The following THBS4 variants were observed in gnomAD, a reference collection of about 807,000 sequenced individuals.
The protein encoded by THBS4 is thrombospondin 4.
In THBS4, 90 loss-of-function variants were observed where a neutral mutation model predicts 115.7. That is an observed-to-expected ratio of 0.78 (90% CI 0.66 to 0.93). The LOEUF (loss-of-function observed/expected upper bound fraction) is 0.93, where lower values mean the gene tolerates loss of function less well. Ranked by LOEUF, THBS4 falls within the 40% of genes least tolerant of loss-of-function variation. The pLI is 0.00. For missense variants in THBS4, 1,087 were observed against 1,232.7 expected, an observed-to-expected ratio of 0.88 and a Z score of 1.77; for synonymous variants, 460 against 479.3, an observed-to-expected ratio of 0.96 and a Z score of 0.53.
chr5:80,074,277 G>A (rs141393263), intron 15 of THBS4: 2 of 152,244 alleles, frequency 1.3e-5, no homozygotes, highest in East Asian at 3.9e-4. Flanking sequence ...GAATTGTTCT[G>A]TGGAAGTGAG....
At chr5:80,079,881 A>G (rs201896932) in intron 19 of THBS4, 24 bp from the exon 20 acceptor site, 1 of 1,612,474 alleles carries the variant, frequency 6.2e-7, no homozygotes, top group Admixed American at 1.7e-5. Context: ...CCTGTCCTAA[A>G]ACCTTGCTTG....
intron 2 of THBS4, among the ~76,000 whole-genome samples, chr5:80,025,788 A>T (rs1295573616): frequency 1.3e-5 from 2 of 152,170 alleles, no homozygotes; most frequent in Non-Finnish European, 2.9e-5. Context: ...TTCTTATTCC[A>T]AATTCCTCTA....
intron 10 of THBS4, among the ~76,000 whole-genome samples, chr5:80,069,139 C>G (rs1052673531): frequency 6.6e-6 from 1 of 152,226 alleles, no homozygotes; most frequent in Non-Finnish European, 1.5e-5. Flanking sequence ...CACTGGTTCA[C>G]AGTGATCACC....
At position 80,083,122 on chromosome 5, in the gene THBS4, T is replaced by C. The variant is rs1322951275; in HGVS notation, c.2867T>C (p.Phe956Ser). The C allele has an allele frequency of 1.2e-6, 2 of 1,613,948 alleles. No homozygotes were observed. Among genetic ancestry groups the C allele is most frequent in the Non-Finnish European group, 1.7e-6 (2 of 1,179,782 alleles). ...EDFQEFQTQN[F>S]DRFDN ...TTCCAAGAGTTTCAAACCCAGAATT[T>C]CGACCGCTTCGATAATTAAACCAAG... The change falls in exon 22 of 22, where the codon TTC (phenylalanine) becomes TCC (serine). Residue 956 changes from phenylalanine (F) to serine (S), a missense_variant. Coordinates refer to ENST00000350881, the MANE Select transcript of THBS4 (RefSeq NM_003248.6).
At chr5:80,037,320 G>T (rs1400512294) in intron 1 of THBS4, among the ~76,000 whole-genome samples, 2 of 151,912 alleles carry the variant, frequency 1.3e-5, no homozygotes, top group Non-Finnish European at 2.9e-5. Flanking sequence ...TTCTTTTATT[G>T]CATTATCTAG....
chr5:80,068,163 T>C (rs201399229), intron 10 of THBS4, 38 bp downstream of exon 10: 2 of 1,609,576 alleles, frequency 1.2e-6, no homozygotes. Flanking sequence ...ATTTTTCCTC[T>C]TCCATTTTTA....
chr5:80,020,180 A>C lies in THBS4; in HGVS notation n.178-19897A>C, dbSNP rs186361699. ...TTCCAAGGCTGAAAAGCCACCTTTT[A>C]AAAGTGAAATGTGCCGGGCGCAGTG... On this transcript the variant is annotated intron_variant and non_coding_transcript_variant, in intron 2 of 3. Coordinates refer to the THBS4 transcript ENST00000510218. Among the ~76,000 whole-genome samples the C allele has an allele frequency of 1.7e-3, 262 of 152,284 alleles. 2 individuals carry two copies. The highest frequency in any genetic ancestry group is 1.9e-3 in the Non-Finnish European group (132 of 68,008).
intron 8 of THBS4, among the ~76,000 whole-genome samples, chr5:80,064,038 A>G (rs996646524): frequency 6.6e-6 from 1 of 152,182 alleles, no homozygotes; most frequent in African/African-American, 2.4e-5. Context: ...AACTTTGGAA[A>G]GGCCTAACAC....
intron 2 of THBS4, among the ~76,000 whole-genome samples, chr5:80,012,741 C>T (rs1025640864): frequency 6.6e-6 from 1 of 152,214 alleles, no homozygotes; most frequent in Admixed American, 6.5e-5. Flanking sequence ...ACCTGAAATA[C>T]ACCTAATAAG....
chr5:80,020,500 A>AAACC (rs1464703754), intron 2 of THBS4, among the ~76,000 whole-genome samples: 1 of 151,822 alleles, frequency 6.6e-6, no homozygotes, highest in African/African-American at 2.4e-5. Flanking sequence ...ACAAACAAAC[A>AAACC]AAAAAAGAAA....
In THBS4 at chr5:80,055,889, A is replaced by G; in HGVS notation, c.397A>G (p.Asn133Asp). The G allele has an allele frequency of 6.2e-7, 1 of 1,614,184 alleles. No individual in the cohort carries two copies. The highest frequency in any genetic ancestry group is 8.5e-7 in the Non-Finnish European group (1 of 1,180,032). The change falls in exon 3 of 22, where the codon AAT (asparagine) becomes GAT (aspartate). Residue 133 changes from asparagine to aspartate, a missense_variant. Asn to Asp is a conservative substitution (Grantham distance 23). This residue lies in a region of THBS4 where 979 missense variants were observed against 1,103.7 expected (regional missense o/e 0.89). Transcript: ENST00000350881. ...GCACAGGATCCTCCTGAGGCTGAGC[A>G]ATTTGCAGCGAGGGGCCGGCTCCCT... ...RRHRILLRLS[N>D]LQRGAGSLEL... is the part of the protein sequence containing the mutation.
intron 2 of THBS4, among the ~76,000 whole-genome samples, chr5:80,008,619 A>G (rs745426424): frequency 6.6e-6 from 1 of 152,192 alleles, no homozygotes; most frequent in Non-Finnish European, 1.5e-5. Context: ...AAATACCTCA[A>G]TACAATTTCA....
intron 2 of THBS4, among the ~76,000 whole-genome samples, chr5:80,001,630 G>A (rs191526899): frequency 6.6e-6 from 1 of 152,324 alleles, no homozygotes; most frequent in East Asian, 1.9e-4. Flanking sequence ...AGGTGTACCA[G>A]GGGAGGTGTT....
chr5:80,071,828 T>C lies in THBS4; in HGVS notation c.1721-450T>C, dbSNP rs114735498. ...TGGTAGCATTTTCCAGTTTCCATGA[T>C]GTAACTCCGCATTGTCCTCATTGCT... is the stretch of plus-strand genomic sequence containing the variant. On this transcript the variant is annotated intron_variant, in intron 13 of 21. Transcript: ENST00000350881. The C allele has an allele frequency of 4.9e-3, 822 of 167,906 alleles. 8 individuals are homozygous for C. The highest frequency in any genetic ancestry group is 0.019 in the African/African-American group (783 of 42,166). 10.4% of individuals were successfully genotyped at this position (167,906 alleles called of 1,614,324 possible).
intron 2 of THBS4, among the ~76,000 whole-genome samples, chr5:80,003,357 A>G (rs987472986): frequency 3.3e-5 from 5 of 152,180 alleles, no homozygotes; most frequent in South Asian, 2.1e-4. Context: ...GATGAGAAGA[A>G]GAGGAGAAGT....
At chr5:79,997,266 G>C (rs1831813407) in intron 1 of THBS4, among the ~76,000 whole-genome samples, 1 of 152,034 alleles carries the variant, frequency 6.6e-6, no homozygotes, top group African/African-American at 2.4e-5. Context: ...AAAAACCTAA[G>C]CTAAATGTAT....
In THBS4 at chr5:80,077,062, G is replaced by A; in HGVS notation, c.2086+14G>A. On this transcript the variant is annotated intron_variant, in intron 16 of 21. Transcript: ENST00000350881. Reference sequence around the variant, plus strand: ...AGGATAGCAACAGTAAGCAGGCTCAGCCCAGAGCTGCACAGCACCCCTGGG... The same window carrying A: ...AGGATAGCAACAGTAAGCAGGCTCAACCCAGAGCTGCACAGCACCCCTGGG... 1 of 1,581,694 alleles carries A rather than the reference G, an allele frequency of 6.3e-7. No individual in the cohort carries two copies. The highest frequency in any genetic ancestry group is 8.6e-7 in the Non-Finnish European group (1 of 1,163,538).
chr5:80,042,270 A>G (rs764951139), intron 2 of THBS4, among the ~76,000 whole-genome samples: 19 of 152,172 alleles, frequency 1.2e-4, no homozygotes, highest in Non-Finnish European at 2.6e-4. Flanking sequence ...TGCTGAAGGA[A>G]CTGCTCATCT....
rs760870842 is a variant in THBS4 at position 80,077,026 on chromosome 5, C to T, written c.2064C>T (p.Asn688=). ...CAGACAACTGCCGGCTGGTCCCCAACCCAGCCCAGGAGGATAGCAACAGTA... is the reference window on the plus strand; with the variant it reads ...CAGACAACTGCCGGCTGGTCCCCAATCCAGCCCAGGAGGATAGCAACAGTA... ...PGPDNCRLVP[N]PAQEDSNSDG... is the part of the protein sequence containing the mutation. Residue 688 remains asparagine, a synonymous_variant, in exon 16 of 22, where the codon AAC becomes AAT. Transcript: ENST00000350881. The T allele has an allele frequency of 6.2e-7, 1 of 1,608,452 alleles. No homozygotes were observed. Among genetic ancestry groups the T allele is most frequent in the East Asian group, 2.2e-5 (1 of 44,688 alleles).
Sources: allele counts gnomAD v4.1 joint callset (sites outside exome capture counted in the v4.1 genomes callset), GRCh38; gene constraint gnomAD v4.1.1; regional missense constraint gnomAD v4.1.1; transcripts MANE v1.5; gene names NCBI Gene and HGNC (gene_info 2026-07-23, HGNC 2026-07-21).